Variants in AGBL1 observed in about 807,000 individuals in gnomAD.
The protein encoded by AGBL1 is cytosolic carboxypeptidase 4.
In AGBL1, 130 loss-of-function variants were observed where a neutral mutation model predicts 118.9. That is an observed-to-expected ratio of 1.09 (90% CI 0.95 to 1.26). The LOEUF (loss-of-function observed/expected upper bound fraction) is 1.26. Ranked by LOEUF, AGBL1 falls within the 50% of genes most tolerant of loss-of-function variation. The pLI is 0.00. For synonymous variants in AGBL1, 555 were observed against 478.9 expected, an observed-to-expected ratio of 1.16 and a Z score of -2.08; for missense variants, 1,584 against 1,298.1, an observed-to-expected ratio of 1.22 and a Z score of -3.38.
intron 6 of AGBL1, among the ~76,000 whole-genome samples, chr15:86,232,611 G>A (rs781229258): frequency 9.2e-5 from 14 of 152,148 alleles, no homozygotes; most frequent in Non-Finnish European, 1.2e-4. Flanking sequence ...GGAATTTGTT[G>A]CATTTTCAGT....
chr15:86,507,243 T>A (rs2082988837), intron 18 of AGBL1, among the ~76,000 whole-genome samples: 2 of 152,106 alleles, frequency 1.3e-5, no homozygotes, highest in Non-Finnish European at 2.9e-5. Context: ...AGCTTACTTA[T>A]CAGTAAGAAA....
At chr15:86,848,345 A>G (rs1195789524) in intron 22 of AGBL1, among the ~76,000 whole-genome samples, 2 of 152,176 alleles carry the variant, frequency 1.3e-5, no homozygotes, top group Non-Finnish European at 2.9e-5. Context: ...TGCTGAGCTA[A>G]AAACTGTGCC....
intron 22 of AGBL1, among the ~76,000 whole-genome samples, chr15:86,827,058 T>G (rs548820154): frequency 6.6e-6 from 1 of 151,256 alleles, no homozygotes; most frequent in East Asian, 2.0e-4. Context: ...CAAGTACATG[T>G]GGTAAAGATC....
chr15:86,658,462 C>T (rs776927507), intron 21 of AGBL1, among the ~76,000 whole-genome samples: 39 of 152,196 alleles, frequency 2.6e-4, no homozygotes, highest in Non-Finnish European at 1.5e-4. Flanking sequence ...GACACCTCTA[C>T]TGGTCTGCTT....
At chr15:86,485,385 A>G (rs773706515) in intron 18 of AGBL1, among the ~76,000 whole-genome samples, 6 of 97,484 alleles carry the variant, frequency 6.2e-5, no homozygotes, top group African/African-American at 1.0e-4. Context: ...TTATATATGA[A>G]CAACTATACT....
At chr15:86,274,332 T>A (rs2079210289) in intron 15 of AGBL1, among the ~76,000 whole-genome samples, 1 of 152,162 alleles carries the variant, frequency 6.6e-6, no homozygotes, top group Non-Finnish European at 1.5e-5. Context: ...AAAATGAGAA[T>A]TACCGAGAAA....
At chr15:86,939,438 G>A (rs183111798) in intron 23 of AGBL1, among the ~76,000 whole-genome samples, 184 of 152,242 alleles carry the variant, frequency 1.2e-3, no homozygotes, top group Middle Eastern at 3.4e-3. Flanking sequence ...CAGGCCTTCC[G>A]CCACAAACTG....
chr15:87,012,997 A>T (rs1483717018), intron 24 of AGBL1, among the ~76,000 whole-genome samples: 1 of 152,078 alleles, frequency 6.6e-6, no homozygotes, highest in Non-Finnish European at 1.5e-5. Flanking sequence ...GGTTGCAACA[A>T]TGCTTATTTT....
chr15:86,935,579 C>A (rs554576814), intron 23 of AGBL1, among the ~76,000 whole-genome samples: 1 of 152,296 alleles, frequency 6.6e-6, no homozygotes, highest in East Asian at 1.9e-4. Flanking sequence ...GCCATATCAC[C>A]CTGAGTGGAC....
Position 86,425,298 on chromosome 15 carries a change from C to CA in AGBL1, c.2555+27755dup, listed in dbSNP as rs200778085. Among the ~76,000 whole-genome samples the CA allele has an allele frequency of 4.4e-3, 665 of 151,720 alleles. 18 individuals are homozygous for CA. The East Asian group carries it at 0.073, about 17-fold the overall frequency. ...GCAAACTAACACAGAAACAAAAAAC[C>CA]AAACACCACATGTTCTCACTCATAA... On this transcript the variant is annotated intron_variant, in intron 18 of 22. Coordinates refer to ENST00000614907, the MANE Select transcript of AGBL1 (RefSeq NM_001386094.1).
chr15:86,712,709 G>GT (rs2086579924), intron 22 of AGBL1, among the ~76,000 whole-genome samples: 1 of 152,188 alleles, frequency 6.6e-6, no homozygotes, highest in African/African-American at 2.4e-5. Context: ...CGGGCCTTTT[G>GT]TAAGGTGCTG....
At chr15:86,542,753 G>A (rs1423367155) in intron 19 of AGBL1, among the ~76,000 whole-genome samples, 2 of 151,942 alleles carry the variant, frequency 1.3e-5, no homozygotes, top group African/African-American at 4.8e-5. Flanking sequence ...AAGACAGGAG[G>A]GATACATCAA....
rs538851839 is a variant in AGBL1 at position 86,613,055 on chromosome 15, G to T, written c.2994+58518G>T. On this transcript the variant is annotated intron_variant, in intron 21 of 22. Coordinates refer to ENST00000614907, the MANE Select transcript of AGBL1 (RefSeq NM_001386094.1). This position sits in a 1 kb window ranked among gnomAD's most constrained non-coding sequence, Gnocchi z 4.2. ...TCTGTAACTTTTGTCTCCCTAAAATGTATAAAGCCAAGATGTAACACAATC... is the reference window on the plus strand; with the variant it reads ...TCTGTAACTTTTGTCTCCCTAAAATTTATAAAGCCAAGATGTAACACAATC... Among the ~76,000 whole-genome samples, 2 of 152,196 alleles carry T rather than the reference G, an allele frequency of 1.3e-5. No homozygotes were observed. Among genetic ancestry groups the T allele is most frequent in the African/African-American group, 4.8e-5 (2 of 41,454 alleles).
At chr15:86,735,894 A>G (rs1302626939) in intron 22 of AGBL1, among the ~76,000 whole-genome samples, 3 of 152,038 alleles carry the variant, frequency 2.0e-5, no homozygotes, top group Non-Finnish European at 4.4e-5. Flanking sequence ...TAAAGTAGAA[A>G]TGAGATACGA....
chr15:86,520,663 C>T (rs1368892159), intron 18 of AGBL1, among the ~76,000 whole-genome samples: 1 of 152,056 alleles, frequency 6.6e-6, no homozygotes, highest in Non-Finnish European at 1.5e-5. Context: ...TTCATTTATA[C>T]AAGCAGAAAT....
intron 17 of AGBL1, among the ~76,000 whole-genome samples, chr15:86,351,811 A>G (rs1361419735): frequency 6.6e-6 from 1 of 152,156 alleles, no homozygotes; most frequent in Non-Finnish European, 1.5e-5. Context: ...CTACAAGCTG[A>G]CGCCATTTAT....
chr15:86,827,858 TG>T (rs1467551788), intron 22 of AGBL1, among the ~76,000 whole-genome samples: 1 of 148,384 alleles, frequency 6.7e-6, no homozygotes, highest in Non-Finnish European at 1.5e-5. Flanking sequence ...AGATAAAAGA[TG>T]GTAGCCCTAT....
chr15:86,484,155 A>C (rs746931606), intron 18 of AGBL1, among the ~76,000 whole-genome samples: 24 of 152,140 alleles, frequency 1.6e-4, no homozygotes, highest in South Asian at 4.1e-4. Context: ...TGAAAGAGGA[A>C]GTATACTTTC....
chr15:86,840,548 C>T (rs529626002), intron 22 of AGBL1, among the ~76,000 whole-genome samples: 60 of 152,258 alleles, frequency 3.9e-4, no homozygotes, highest in African/African-American at 1.1e-3. Context: ...GTGGTTCAAG[C>T]GATTTCTCCT....
Sources: allele counts gnomAD v4.1 joint callset (sites outside exome capture counted in the v4.1 genomes callset), GRCh38; gene constraint gnomAD v4.1.1; non-coding constraint Gnocchi (gnomAD v3.1); transcripts MANE v1.5; gene names NCBI Gene and HGNC (gene_info 2026-07-23, HGNC 2026-07-21).